SRGAP3: variants seen among roughly 807,000 people sequenced by gnomAD.
SRGAP3 encodes SLIT-ROBO Rho GTPase activating protein 3.
Under a neutral mutation model 121.1 loss-of-function variants are expected in SRGAP3, and 39 were observed. The observed-to-expected ratio is 0.32, with a 90% CI of 0.25 to 0.42. The LOEUF (loss-of-function observed/expected upper bound fraction) is 0.42. SRGAP3 is among the 10% of genes least tolerant of loss of function. SRGAP3 has a pLI of 1.00. For missense variants in SRGAP3, 1,213 were observed against 1,470.6 expected (o/e 0.82, Z 2.86); for synonymous variants, 601 against 570.0 (o/e 1.05, Z -0.77).
chr3:9,087,572 C>T (rs542065907), intron 3 of SRGAP3, among the ~76,000 whole-genome samples: 32 of 152,258 alleles, frequency 2.1e-4, no homozygotes, highest in African/African-American at 7.7e-4. Flanking sequence ...GCATGAATGG[C>T]TGGAGACAGC....
chr3:9,056,460 G>A, intron 7 of SRGAP3, 126 bp from the exon 8 acceptor site: 1 of 984,608 alleles, frequency 1.0e-6, no homozygotes, highest in Non-Finnish European at 1.5e-6. Flanking sequence ...AAGGTTGAGT[G>A]ACCTGCTCAA....
At chr3:9,131,738 G>A (rs1202194159) in intron 1 of SRGAP3, among the ~76,000 whole-genome samples, 3 of 151,988 alleles carry the variant, frequency 2.0e-5, no homozygotes, top group African/African-American at 7.3e-5. Context: ...CACTGCACCC[G>A]GCCGTAAGAA....
chr3:9,149,004 G>A (rs539525958), intron 1 of SRGAP3, among the ~76,000 whole-genome samples: 6 of 152,062 alleles, frequency 3.9e-5, no homozygotes, highest in African/African-American at 4.8e-5. Context: ...TCACAAGGTC[G>A]GGAGTTCGAG....
chr3:9,133,307 C>A (rs1379643517), intron 1 of SRGAP3, among the ~76,000 whole-genome samples: 3 of 152,054 alleles, frequency 2.0e-5, no homozygotes, highest in Non-Finnish European at 4.4e-5. Context: ...CACAGCGATA[C>A]CCTGTCTCTA....
chr3:9,293,888 T>G (rs1954908429), intron 3 of SRGAP3, among the ~76,000 whole-genome samples: 1 of 152,192 alleles, frequency 6.6e-6, no homozygotes, highest in African/African-American at 2.4e-5. Context: ...TTGGTGGGAA[T>G]GTAAATTAGC....
At chr3:9,090,916 C>A (rs1245726832) in intron 3 of SRGAP3, among the ~76,000 whole-genome samples, 1 of 152,156 alleles carries the variant, frequency 6.6e-6, no homozygotes, top group East Asian at 1.9e-4. Context: ...GGATTACAGG[C>A]ATGAGCCACC....
chr3:9,220,985 G>A (rs1952793804), intron 1 of SRGAP3, among the ~76,000 whole-genome samples: 1 of 152,170 alleles, frequency 6.6e-6, no homozygotes, highest in South Asian at 2.1e-4. Context: ...CACCCCGCTG[G>A]TGACAGCATC....
intron 1 of SRGAP3, among the ~76,000 whole-genome samples, chr3:9,228,582 G>A (rs780164785): frequency 1.3e-5 from 2 of 152,154 alleles, no homozygotes; most frequent in Non-Finnish European, 2.9e-5. Flanking sequence ...CTGGATGCAC[G>A]GCAGGCACCC....
intron 14 of SRGAP3, among the ~76,000 whole-genome samples, chr3:9,021,870 G>C (rs187852773): frequency 6.6e-6 from 1 of 151,504 alleles, no homozygotes; most frequent in African/African-American, 2.4e-5. Context: ...CGGGTGCGTC[G>C]CTTTGAGCCC....
At chr3:9,063,553 G>A (rs1182960250) in intron 5 of SRGAP3, among the ~76,000 whole-genome samples, 2 of 151,690 alleles carry the variant, frequency 1.3e-5, no homozygotes, top group African/African-American at 4.8e-5. Flanking sequence ...TACCCAGGCT[G>A]GTCTCGAACT....
intron 1 of SRGAP3, among the ~76,000 whole-genome samples, chr3:9,146,274 T>C (rs1950020045): frequency 6.6e-6 from 1 of 152,198 alleles, no homozygotes; most frequent in Non-Finnish European, 1.5e-5. Context: ...CCATCTCAAA[T>C]GCAAAGGTTC....
At chr3:9,306,071 T>C (rs1306580433) in intron 3 of SRGAP3, among the ~76,000 whole-genome samples, 1 of 146,094 alleles carries the variant, frequency 6.8e-6, no homozygotes, top group Non-Finnish European at 1.5e-5. Flanking sequence ...CTCTCCATCA[T>C]CTGTTGTTTC....
chr3:9,315,491 G>C (rs1238559429), intron 3 of SRGAP3, among the ~76,000 whole-genome samples: 1 of 152,184 alleles, frequency 6.6e-6, no homozygotes, highest in African/African-American at 2.4e-5. Context: ...ACTGAGACAA[G>C]GAGAAAACAC....
chr3:9,075,572 C>A (rs1465967115), intron 4 of SRGAP3, among the ~76,000 whole-genome samples: 3 of 152,130 alleles, frequency 2.0e-5, no homozygotes, highest in Admixed American at 2.0e-4. Flanking sequence ...TCCTTCCTAG[C>A]CCCAGATAGA....
At chr3:9,257,684 A>G (rs1954160587) in intron 3 of SRGAP3, among the ~76,000 whole-genome samples, 1 of 150,530 alleles carries the variant, frequency 6.6e-6, no homozygotes, top group Admixed American at 6.6e-5. Flanking sequence ...CTCACTCATT[A>G]AACAAAATAG....
At chr3:9,223,066 C>T (rs1308672478) in intron 1 of SRGAP3, among the ~76,000 whole-genome samples, 1 of 152,190 alleles carries the variant, frequency 6.6e-6, no homozygotes, top group Non-Finnish European at 1.5e-5. Context: ...AGAATCATCT[C>T]CCAAAAAGAT....
chr3:9,014,681 G>T (rs139900598), intron 15 of SRGAP3: 21 of 152,364 alleles, frequency 1.4e-4, no homozygotes, highest in African/African-American at 4.6e-4. Context: ...GGAATAGTGT[G>T]GAGGGAAGAG....
At chr3:9,260,217 G>A (rs1210848980) in intron 3 of SRGAP3, among the ~76,000 whole-genome samples, 1 of 152,168 alleles carries the variant, frequency 6.6e-6, no homozygotes, top group Non-Finnish European at 1.5e-5. Flanking sequence ...GCACAAAAAT[G>A]GGTGGCAATT....
intron 3 of SRGAP3, among the ~76,000 whole-genome samples, chr3:9,100,578 A>T (rs1007677957): frequency 2.0e-5 from 3 of 152,172 alleles, no homozygotes; most frequent in Admixed American, 2.0e-4. Context: ...TTTGACCAGA[A>T]TCTAACAAAA....
Sources: gnomAD v4.1 joint callset for allele counts (sites outside exome capture counted in the v4.1 genomes callset) on GRCh38, gnomAD v4.1.1 for gene constraint, MANE v1.5 for transcripts, NCBI Gene and HGNC (gene_info 2026-07-23, HGNC 2026-07-21) for gene names.